The following CA3 variants were observed in gnomAD, a reference collection of about 807,000 sequenced individuals.
CA3 encodes the protein carbonic anhydrase 3.
A neutral mutation model predicts 35.7 loss-of-function variants in CA3; 30 were observed. That is an observed-to-expected ratio of 0.84 (90% CI 0.63 to 1.14). The LOEUF (loss-of-function observed/expected upper bound fraction) is 1.14. Among genes scored for constraint, CA3 ranks in the 50% most tolerant of loss-of-function variants. The pLI is 0.00. For synonymous variants in CA3, 131 were observed against 130.8 expected, an observed-to-expected ratio of 1.00 and a Z score of -0.01; for missense variants, 295 against 328.5, an observed-to-expected ratio of 0.90 and a Z score of 0.79.
At chr8:85,442,468 T>G (rs1181430820) in intron 3 of CA3, 2 of 288,018 alleles carry the variant, frequency 6.9e-6, no homozygotes, top group African/African-American at 4.4e-5. Flanking sequence ...ATCTCAACAC[T>G]TTGGGAGGCT....
chr8:85,441,562 T>G (rs1811207045), intron 2 of CA3, among the ~76,000 whole-genome samples: 1 of 152,226 alleles, frequency 6.6e-6, no homozygotes, highest in Non-Finnish European at 1.5e-5. Context: ...TTTAAGGTGC[T>G]TAATCTCAGT....
At position 85,448,327 on chromosome 8, in the gene CA3, C is replaced by A; in HGVS notation, c.*174C>A. 2.0e-6 allele frequency: 1 copy of A among 512,444 alleles called. No individual in the cohort carries two copies. The highest frequency in any genetic ancestry group is 3.2e-6 in the Non-Finnish European group (1 of 308,388). 31.7% of individuals were successfully genotyped at this position (512,444 alleles called of 1,614,324 possible). A position where few individuals can be genotyped will look rare whatever the true frequency, so the allele number is the denominator to read the frequency against. The stretch of plus-strand genomic sequence containing the variant: ...TTACTTGTTGAAAGAAAGTTACTTT[C>A]GACAAGATCTAATATGAAAGCATAG... On this transcript the variant is annotated 3_prime_UTR_variant, in exon 7 of 7. Transcript: ENST00000285381.
intron 5 of CA3, among the ~76,000 whole-genome samples, 155 bp downstream of exon 5, chr8:85,445,373 G>A (rs1460479049): frequency 1.3e-5 from 2 of 151,836 alleles, no homozygotes; most frequent in Non-Finnish European, 2.9e-5. Flanking sequence ...TATTTGTATG[G>A]CATACAGTTT....
At chr8:85,441,239 G>A (rs1056127031) in intron 2 of CA3, among the ~76,000 whole-genome samples, 5 of 152,016 alleles carry the variant, frequency 3.3e-5, no homozygotes, top group Non-Finnish European at 7.4e-5. Flanking sequence ...TTGATCTTAG[G>A]GTTTCTGCAT....
Position 85,448,082 on chromosome 8 carries a change from G to A in CA3, c.712G>A (p.Val238Met). 2.5e-6 allele frequency: 4 copies of A among 1,613,748 alleles called. No homozygotes were observed. Among genetic ancestry groups the A allele is most frequent in the Non-Finnish European group, 3.4e-6 (4 of 1,179,834 alleles). Reference sequence around the variant, plus strand: ...CTCCAGTGCTGAGAACGAGCCCCCAGTGCCTCTTGTGAGCAACTGGCGACC... The same window carrying A: ...CTCCAGTGCTGAGAACGAGCCCCCAATGCCTCTTGTGAGCAACTGGCGACC... ...LLSSAENEPP[V>M]PLVSNWRPPQ... Residue 238 changes from valine (V) to methionine (M), a missense_variant, in exon 7 of 7, where the codon GTG becomes ATG. Val to Met is a conservative substitution (Grantham distance 21). Transcript: ENST00000285381.
chr8:85,443,303 T>C (rs1425215848), intron 3 of CA3, among the ~76,000 whole-genome samples: 1 of 152,174 alleles, frequency 6.6e-6, no homozygotes, highest in Non-Finnish European at 1.5e-5. Context: ...AACCAATAAG[T>C]GGTGGCAATT....
chr8:85,440,318 A>G (rs996466216), intron 2 of CA3, among the ~76,000 whole-genome samples: 1 of 152,202 alleles, frequency 6.6e-6, no homozygotes, highest in Non-Finnish European at 1.5e-5. Flanking sequence ...AAAGCCAGAT[A>G]TACAATAGAA....
rs769758218 is a variant in CA3 at position 85,448,019 on chromosome 8, C to G, written c.664-15C>G. The G allele has an allele frequency of 1.2e-6, 2 of 1,608,390 alleles. No individual in the cohort carries two copies. Among genetic ancestry groups the G allele is most frequent in the Non-Finnish European group, 1.7e-6 (2 of 1,177,366 alleles). On this transcript the variant is annotated splice_polypyrimidine_tract_variant and intron_variant, in intron 6 of 6. Transcript: ENST00000285381. ...TCCGAATGTCTTGTTAACAGTCTGC[C>G]CCTGCCCTTTGCAGATGGCCAAGCT... is the stretch of plus-strand genomic sequence containing the variant.
Position 85,448,416 on chromosome 8 carries a change from C to T in CA3, c.*263C>T. The T allele has an allele frequency of 4.0e-6, 1 of 249,770 alleles. No homozygotes were observed. Among genetic ancestry groups the T allele is most frequent in the Non-Finnish European group, 7.5e-6 (1 of 133,022 alleles). The allele number at this position is 249,770 out of a possible 1,614,324, so 15.5% of individuals were successfully genotyped here. ...AAAAGTAGCATTTTTGGTAAAGTTT[C>T]AAAGAAGAAGAAACAGAGATGGAAG... On this transcript the variant is annotated 3_prime_UTR_variant, in exon 7 of 7. Coordinates refer to ENST00000285381, the MANE Select transcript of CA3 (RefSeq NM_005181.4).
At position 85,444,096 on chromosome 8, in the gene CA3, T is replaced by C. The variant is rs755072276; in HGVS notation, c.414T>C (p.Asp138=). The change falls in exon 4 of 7, where the codon GAT becomes GAC. Residue 138 remains aspartate (D), a synonymous_variant. Coordinates refer to ENST00000285381, the MANE Select transcript of CA3 (RefSeq NM_005181.4). ...TTAAAGAAGCCCTGAAGCAGCGCGA[T>C]GGGATCGCTGTGATTGGCATTTTTC... ...NTFKEALKQR[D]GIAVIGIFLK... is the part of the protein sequence containing the mutation. 12 of 1,613,262 alleles carry C rather than the reference T, an allele frequency of 7.4e-6. No homozygotes were observed. Among genetic ancestry groups the C allele is most frequent in the Non-Finnish European group, 1.7e-6 (2 of 1,179,294 alleles).
intron 6 of CA3, 70 bp from the exon 7 acceptor site, chr8:85,447,964 A>C: frequency 1.4e-5 from 21 of 1,464,370 alleles, no homozygotes; most frequent in East Asian, 4.7e-5. Context: ...CAGTATTTAT[A>C]CCTCTTTGTC....
intron 3 of CA3, among the ~76,000 whole-genome samples, 176 bp from the exon 4 acceptor site, chr8:85,443,858 T>C (rs938326448): frequency 1.3e-5 from 2 of 152,236 alleles, no homozygotes; most frequent in Non-Finnish European, 2.9e-5. Context: ...TGCTTTTTAT[T>C]TGAGCCACTA....
chr8:85,440,513 G>C lies in CA3; in HGVS notation c.232+604G>C, dbSNP rs371724431. Among the ~76,000 whole-genome samples, 6 of 152,154 alleles carry C rather than the reference G, an allele frequency of 3.9e-5. No individual in the cohort carries two copies. The East Asian group carries it at 5.8e-4, about 15-fold the overall frequency. ...TCTTCTTGAGTAGTAGTTTGTGTGT[G>C]AGACAGCGACTGAAAAATACATGTT... On this transcript the variant is annotated intron_variant, in intron 2 of 6. Coordinates refer to ENST00000285381, the MANE Select transcript of CA3 (RefSeq NM_005181.4).
chr8:85,446,043 A>G, intron 5 of CA3, 99 bp from the exon 6 acceptor site: 1 of 1,115,856 alleles, frequency 9.0e-7, no homozygotes, highest in Non-Finnish European at 1.3e-6. Context: ...TCTCTATTGC[A>G]TTTGAAATTC....
At chr8:85,440,191 T>C (rs534187066) in intron 2 of CA3, among the ~76,000 whole-genome samples, 65 of 152,292 alleles carry the variant, frequency 4.3e-4, no homozygotes, top group Admixed American at 1.0e-3. Flanking sequence ...GAGATGACAA[T>C]AAACTCAAAT....
intron 6 of CA3, among the ~76,000 whole-genome samples, chr8:85,446,807 G>C (rs976637076): frequency 6.6e-6 from 1 of 152,176 alleles, no homozygotes; most frequent in Non-Finnish European, 1.5e-5. Context: ...CCTCCAAACT[G>C]TTTCCAGTAC....
chr8:85,443,598 T>C (rs1477911877), intron 3 of CA3, among the ~76,000 whole-genome samples: 1 of 152,186 alleles, frequency 6.6e-6, no homozygotes. Context: ...TGGGGAAAGT[T>C]GAGTATATTT....
chr8:85,444,147 A>T (rs771603218), intron 4 of CA3, 21 bp downstream of exon 4: 5 of 1,501,916 alleles, frequency 3.3e-6, no homozygotes, highest in Non-Finnish European at 9.3e-7. Context: ...AATTGACTAT[A>T]TATTTTCTTC....
Position 85,439,698 on chromosome 8 carries a change from A to G in CA3, c.35-14A>G. 1.2e-6 allele frequency: 2 copies of G among 1,601,338 alleles called. No homozygotes were observed. Among genetic ancestry groups the G allele is most frequent in the Non-Finnish European group, 1.7e-6 (2 of 1,170,320 alleles). Reference sequence around the variant, plus strand: ...GCCACCAAATAAATACATCTCCTCGACTTTATTTCCTAGGTCCTGACCACT... The same window carrying G: ...GCCACCAAATAAATACATCTCCTCGGCTTTATTTCCTAGGTCCTGACCACT... On this transcript the variant is annotated splice_polypyrimidine_tract_variant and intron_variant, in intron 1 of 6. Transcript: ENST00000285381.
Sources: allele counts gnomAD v4.1 joint callset (sites outside exome capture counted in the v4.1 genomes callset), GRCh38; gene constraint gnomAD v4.1.1; transcripts MANE v1.5; gene names NCBI Gene and HGNC (gene_info 2026-07-23, HGNC 2026-07-21).